Variants in CEP41 observed in about 807,000 individuals in gnomAD.
The protein encoded by CEP41 is centrosomal protein of 41 kDa.
In CEP41, 32 loss-of-function variants were observed where a neutral mutation model predicts 44.3. That is an observed-to-expected ratio of 0.72 (90% CI 0.54 to 0.97). The LOEUF is 0.97. Among genes scored for constraint, CEP41 ranks in the 50% least tolerant of loss-of-function variants. The pLI, the probability that CEP41 is intolerant of heterozygous loss-of-function variation, is 0.00. For missense variants in CEP41, 432 were observed against 455.2 expected (o/e 0.95, Z 0.46); for synonymous variants, 151 against 168.5 (o/e 0.90, Z 0.80).
At chr7:130,399,419 G>A in intron 10 of CEP41, 1 of 268,454 alleles carries the variant, frequency 3.7e-6, no homozygotes, top group South Asian at 5.2e-5. Flanking sequence ...CTCTCAGAGT[G>A]GAGAAGCAAA....
intron 1 of CEP41, among the ~76,000 whole-genome samples, chr7:130,433,077 A>C (rs1306953117): frequency 2.6e-5 from 4 of 152,244 alleles, no homozygotes; most frequent in African/African-American, 7.2e-5. Flanking sequence ...CAAGAGGTCA[A>C]GTATGAACAA....
At position 130,397,701 on chromosome 7, in the gene CEP41, C is replaced by T. The variant is rs782474068; in HGVS notation, c.*1190G>A. On this transcript the variant is annotated 3_prime_UTR_variant, in exon 11 of 11. Transcript: ENST00000223208. ...GATCACAGACCATAAAAATTAACAC[C>T]GCTCTTTTCCATCTGATTTCAGAGT... 1.5e-5 allele frequency: 7 copies of T among 454,052 alleles called. No homozygotes were observed. The highest frequency in any genetic ancestry group is 3.1e-5 in the South Asian group (2 of 64,374). 28.1% of individuals were successfully genotyped at this position (454,052 alleles called of 1,614,324 possible). A position where few individuals can be genotyped will look rare whatever the true frequency, so the allele number is the denominator to read the frequency against.
intron 1 of CEP41, among the ~76,000 whole-genome samples, chr7:130,432,283 A>G (rs1797844470): frequency 6.6e-6 from 1 of 152,186 alleles, no homozygotes; most frequent in South Asian, 2.1e-4. Context: ...ATGAAGAGGA[A>G]GAGACCGTTT....
chr7:130,418,479 C>T (rs1797402805), intron 2 of CEP41, among the ~76,000 whole-genome samples: 2 of 152,198 alleles, frequency 1.3e-5, no homozygotes. Flanking sequence ...TGCTGTTCAG[C>T]TTCCCAAGTC....
At position 130,396,982 on chromosome 7, in the gene CEP41, A is replaced by G. The variant is rs1025024436; in HGVS notation, c.*1909T>C. ...TCCGGCAGGGAAGTCTCAACTCCTG[A>G]CAAGTCACCTTTAAAACAGCATAAC... On this transcript the variant is annotated 3_prime_UTR_variant, in exon 11 of 11. Coordinates refer to ENST00000223208, the MANE Select transcript of CEP41 (RefSeq NM_018718.3). 2.6e-5 allele frequency: 12 copies of G among 454,346 alleles called. No homozygotes were observed. Among genetic ancestry groups the G allele is most frequent in the Non-Finnish European group, 4.9e-5 (11 of 226,762 alleles). The allele number at this position is 454,346 out of a possible 1,614,324, so 28.1% of individuals were successfully genotyped here.
intron 1 of CEP41, among the ~76,000 whole-genome samples, chr7:130,434,348 A>AT (rs756935576): frequency 2.6e-4 from 39 of 152,246 alleles, no homozygotes; most frequent in African/African-American, 8.7e-4. Flanking sequence ...AAGTAAATAT[A>AT]TTTTTTTTAA....
chr7:130,410,321 G>A (rs954615462), intron 5 of CEP41, among the ~76,000 whole-genome samples: 1 of 152,004 alleles, frequency 6.6e-6, no homozygotes, highest in Non-Finnish European at 1.5e-5. Flanking sequence ...GGCACTGGGC[G>A]TGAGGCACCG....
At chr7:130,441,065 C>T (rs782466508), upstream of CEP41, 19 of 1,354,338 alleles carry the variant, frequency 1.4e-5, no homozygotes, top group South Asian at 2.2e-4. Context: ...CTCCCTATAC[C>T]CTCTTCTCCG....
Position 130,397,324 on chromosome 7 carries a change from T to G in CEP41, c.*1567A>C, listed in dbSNP as rs139085191. On this transcript the variant is annotated 3_prime_UTR_variant, in exon 11 of 11. Coordinates refer to ENST00000223208, the MANE Select transcript of CEP41 (RefSeq NM_018718.3). Reference sequence around the variant, plus strand: ...TTGACATCTGAACAATGTCCCTGGTTTGTTTGATTTCTAAAGCATCGGAAA... The same window carrying G: ...TTGACATCTGAACAATGTCCCTGGTGTGTTTGATTTCTAAAGCATCGGAAA... 336 of 454,492 alleles carry G rather than the reference T, an allele frequency of 7.4e-4. 2 individuals carry two copies. The East Asian group carries it at 0.022, about 30-fold the overall frequency. The allele number at this position is 454,492 out of a possible 1,614,324, so 28.2% of individuals were successfully genotyped here.
At position 130,398,842 on chromosome 7, in the gene CEP41, G is replaced by A. The variant is rs1796751935; in HGVS notation, c.*49C>T. The A allele has an allele frequency of 2.5e-6, 4 of 1,606,238 alleles. No homozygotes were observed. The highest frequency in any genetic ancestry group is 4.5e-5 in the East Asian group (2 of 44,846). On this transcript the variant is annotated 3_prime_UTR_variant, in exon 11 of 11. Transcript: ENST00000223208. ...TGACCCAACTTGGGAAATGCTCAGGGGTTCTGAAAAGAGGAAGAACATTTA... is the reference window on the plus strand; with the variant it reads ...TGACCCAACTTGGGAAATGCTCAGGAGTTCTGAAAAGAGGAAGAACATTTA...
At chr7:130,437,207 A>G (rs552176476) in intron 1 of CEP41, among the ~76,000 whole-genome samples, 19 of 152,310 alleles carry the variant, frequency 1.2e-4, no homozygotes, top group Admixed American at 3.3e-4. Context: ...GGTTATCTAT[A>G]TGAATACAGA....
At chr7:130,426,668 G>T (rs1554423588) in intron 2 of CEP41, 3 of 456,150 alleles carry the variant, frequency 6.6e-6, no homozygotes, top group Admixed American at 2.4e-5. Context: ...GATCACAGTT[G>T]CAATTAGGGG....
At chr7:130,436,531 C>T (rs187500527) in intron 1 of CEP41, among the ~76,000 whole-genome samples, 2 of 151,822 alleles carry the variant, frequency 1.3e-5, no homozygotes, top group East Asian at 3.9e-4. Flanking sequence ...TGGCCTAGAA[C>T]TATACATACA....
In CEP41 at chr7:130,396,784, CAT is replaced by C. The variant is rs1554414783; in HGVS notation, c.*2105_*2106del. On this transcript the variant is annotated 3_prime_UTR_variant, in exon 11 of 11. Transcript: ENST00000223208. ...AAAGCAAGCACTGTGGAGAAATACA[CAT>C]AAATATATCCAACCTGCCAGATCTC... 4.4e-6 allele frequency: 2 copies of C among 454,160 alleles called. No individual in the cohort carries two copies. Among genetic ancestry groups the C allele is most frequent in the Non-Finnish European group, 8.8e-6 (2 of 226,762 alleles). 28.1% of individuals were successfully genotyped at this position (454,160 alleles called of 1,614,324 possible).
intron 1 of CEP41, among the ~76,000 whole-genome samples, chr7:130,433,182 T>C (rs1485099238): frequency 6.6e-6 from 1 of 152,106 alleles, no homozygotes; most frequent in Non-Finnish European, 1.5e-5. Context: ...TGGAAGCAGC[T>C]ATGGGAAACT....
chr7:130,407,567 T>C (rs11972262), intron 5 of CEP41, among the ~76,000 whole-genome samples: 22,896 of 152,034 alleles, frequency 0.15, 1,733 homozygotes, highest in South Asian at 0.19. Context: ...AAAAAGTCAA[T>C]ACATCCATAT....
At chr7:130,429,352 T>G (rs1562995107) in intron 1 of CEP41, among the ~76,000 whole-genome samples, 1 of 152,224 alleles carries the variant, frequency 6.6e-6, no homozygotes, top group East Asian at 1.9e-4. Context: ...TCCTTTGTGC[T>G]GCTGTCTGGT....
In CEP41 at chr7:130,434,938, CA is replaced by C. The variant is rs201335397; in HGVS notation, c.33+5995del. 8.1e-3 allele frequency among the ~76,000 whole-genome samples: 1,229 copies of C among 151,620 alleles called. 19 individuals carry two copies. The highest frequency in any genetic ancestry group is 0.028 in the African/African-American group (1,164 of 41,346). Reference sequence around the variant, plus strand: ...CTGAGGTCTTACAGAACTAGCAAAACAAAAAAACAAATAAACAAAACTGTGA... The same window carrying C: ...CTGAGGTCTTACAGAACTAGCAAAACAAAAAACAAATAAACAAAACTGTGA... On this transcript the variant is annotated intron_variant, in intron 1 of 10. Coordinates refer to ENST00000223208, the MANE Select transcript of CEP41 (RefSeq NM_018718.3).
chr7:130,400,646 G>A (rs1349076640), intron 9 of CEP41, 61 bp downstream of exon 9: 2 of 966,964 alleles, frequency 2.1e-6, no homozygotes, highest in African/African-American at 3.2e-5. Context: ...AAAAGGGGAT[G>A]CAGGTGGGAC....
Sources: gnomAD v4.1 joint callset for allele counts (sites outside exome capture counted in the v4.1 genomes callset) on GRCh38, gnomAD v4.1.1 for gene constraint, MANE v1.5 for transcripts, NCBI Gene and HGNC (gene_info 2026-07-23, HGNC 2026-07-21) for gene names.